PARD3B: variants seen among roughly 807,000 people sequenced by gnomAD.
PARD3B encodes the protein par-3 family cell polarity regulator beta.
PARD3B carries 103 observed loss-of-function variants against 130.2 expected under a neutral mutation model. The observed-to-expected ratio is 0.79, with a 90% confidence interval of 0.67 to 0.93. The LOEUF (loss-of-function observed/expected upper bound fraction) is 0.93. PARD3B is among the 40% of genes least tolerant of loss of function. PARD3B has a pLI of 0.00. For missense variants in PARD3B, 1,609 were observed against 1,499.2 expected (o/e 1.07, Z -1.21); for synonymous variants, 583 against 553.2 (o/e 1.05, Z -0.76).
intron 2 of PARD3B, among the ~76,000 whole-genome samples, chr2:204,961,658 A>T (rs1042688759): frequency 6.6e-6 from 1 of 152,114 alleles, no homozygotes; most frequent in Admixed American, 6.6e-5. Flanking sequence ...ATTTTTAGAG[A>T]CTAAATGTGG....
intron 2 of PARD3B, among the ~76,000 whole-genome samples, chr2:204,703,479 A>C (rs1022490989): frequency 6.6e-6 from 1 of 152,236 alleles, no homozygotes; most frequent in African/African-American, 2.4e-5. Flanking sequence ...GTAAAAATAC[A>C]GAAAAGATTG....
intron 18 of PARD3B, among the ~76,000 whole-genome samples, chr2:205,306,468 C>A (rs2042188239): frequency 6.6e-6 from 1 of 151,982 alleles, no homozygotes; most frequent in Non-Finnish European, 1.5e-5. Flanking sequence ...TTCACATATC[C>A]CATTTTCTAG....
chr2:205,546,204 G>C lies in PARD3B; in HGVS notation c.3181-7120G>C, dbSNP rs149684992. Among the ~76,000 whole-genome samples, 732 of 152,256 alleles carry C rather than the reference G, an allele frequency of 4.8e-3. 4 individuals carry two copies. Among genetic ancestry groups the C allele is most frequent in the Non-Finnish European group, 7.4e-3 (504 of 68,030 alleles). The stretch of plus-strand genomic sequence containing the variant: ...CAAAGAGGGTCACCACGTGCAAGGC[G>C]CACCAAGGTATGAGCGCTTTAAATT... On this transcript the variant is annotated intron_variant, in intron 21 of 22. Coordinates refer to ENST00000406610, the MANE Select transcript of PARD3B (RefSeq NM_001302769.2).
chr2:205,211,443 A>G (rs1243684178), intron 15 of PARD3B, among the ~76,000 whole-genome samples: 2 of 152,114 alleles, frequency 1.3e-5, no homozygotes, highest in South Asian at 2.1e-4. Flanking sequence ...ATCAGTGACA[A>G]CAGACAGTAT....
At chr2:204,817,854 A>C (rs1343844460) in intron 2 of PARD3B, among the ~76,000 whole-genome samples, 1 of 152,140 alleles carries the variant, frequency 6.6e-6, no homozygotes, top group African/African-American at 2.4e-5. Context: ...CTCAAGGATC[A>C]TTATCCTTTT....
At chr2:204,811,713 G>T (rs1003425270) in intron 2 of PARD3B, among the ~76,000 whole-genome samples, 10 of 152,054 alleles carry the variant, frequency 6.6e-5, no homozygotes, top group Non-Finnish European at 2.9e-5. Flanking sequence ...AAAATATGCA[G>T]TTGTTAACTC....
chr2:204,824,245 T>C (rs1287749761), intron 2 of PARD3B, among the ~76,000 whole-genome samples: 1 of 152,196 alleles, frequency 6.6e-6, no homozygotes, highest in Non-Finnish European at 1.5e-5. Context: ...CAATGGAGAA[T>C]CCTACAAGTA....
chr2:205,091,084 A>G lies in PARD3B; in HGVS notation c.505-13342A>G, dbSNP rs1702076644. Among the ~76,000 whole-genome samples, 1 of 152,234 alleles carries G rather than the reference A, an allele frequency of 6.6e-6. No individual in the cohort carries two copies. The highest frequency in any genetic ancestry group is 2.4e-5 in the African/African-American group (1 of 41,464). On this transcript the variant is annotated intron_variant, in intron 4 of 22. Transcript: ENST00000406610. The surrounding 1 kb of genome is among the most constrained non-coding windows in gnomAD (Gnocchi z 4.2). ...AATATGTAAATTAAGCAATCTGATT[A>G]TAGTACACCTTGGCTGCTTCTAGTT...
At chr2:204,813,491 A>C (rs1181827749) in intron 2 of PARD3B, among the ~76,000 whole-genome samples, 1 of 152,048 alleles carries the variant, frequency 6.6e-6, no homozygotes, top group African/African-American at 2.4e-5. Context: ...TTATTTTCTT[A>C]AAAATGTTAC....
At chr2:205,372,315 CAT>C (rs1441564103) in intron 18 of PARD3B, among the ~76,000 whole-genome samples, 3 of 152,168 alleles carry the variant, frequency 2.0e-5, no homozygotes, top group African/African-American at 7.2e-5. Flanking sequence ...TCCTCACAAA[CAT>C]GTGTTCTTAT....
intron 16 of PARD3B, among the ~76,000 whole-genome samples, chr2:205,277,711 T>G (rs1026625499): frequency 2.0e-5 from 3 of 151,856 alleles, no homozygotes; most frequent in Admixed American, 6.6e-5. Context: ...GTTTGGACTG[T>G]GGGGGGAAGA....
At chr2:205,426,380 A>C (rs1462764936) in intron 19 of PARD3B, among the ~76,000 whole-genome samples, 9 of 152,178 alleles carry the variant, frequency 5.9e-5, no homozygotes, top group Non-Finnish European at 1.3e-4. Context: ...CTCTGGAACA[A>C]AGGATAATTA....
intron 20 of PARD3B, among the ~76,000 whole-genome samples, chr2:205,456,718 T>A (rs1204204334): frequency 6.6e-6 from 1 of 151,616 alleles, no homozygotes; most frequent in Non-Finnish European, 1.5e-5. Flanking sequence ...TGAACCTGCC[T>A]TGCATTTCTA....
intron 3 of PARD3B, among the ~76,000 whole-genome samples, chr2:205,042,984 T>C (rs892229468): frequency 7.2e-5 from 11 of 152,172 alleles, no homozygotes; most frequent in African/African-American, 2.7e-4. Flanking sequence ...TAAACTATGA[T>C]TCTAAGGAAC....
At chr2:205,062,824 A>G (rs1370910818) in intron 4 of PARD3B, among the ~76,000 whole-genome samples, 2 of 152,164 alleles carry the variant, frequency 1.3e-5, no homozygotes, top group East Asian at 3.8e-4. Context: ...TTCAGCATGA[A>G]ATTTATTTAT....
chr2:205,203,867 A>T (rs1158673074), intron 15 of PARD3B, among the ~76,000 whole-genome samples: 1 of 151,984 alleles, frequency 6.6e-6, no homozygotes, highest in Non-Finnish European at 1.5e-5. Context: ...GGGCATTTGG[A>T]TTGGTTCCAA....
intron 21 of PARD3B, among the ~76,000 whole-genome samples, chr2:205,518,111 T>G (rs562083814): frequency 6.6e-6 from 1 of 152,224 alleles, no homozygotes; most frequent in South Asian, 2.1e-4. Context: ...TTTGGTCCAG[T>G]GTTGAGTTCA....
At chr2:205,453,666 GTT>G (rs1317301392) in intron 20 of PARD3B, among the ~76,000 whole-genome samples, 1 of 152,096 alleles carries the variant, frequency 6.6e-6, no homozygotes, top group Non-Finnish European at 1.5e-5. Flanking sequence ...CCATGCTAAG[GTT>G]TTTCAAACTT....
At chr2:205,475,579 A>G (rs2048996739) in intron 20 of PARD3B, among the ~76,000 whole-genome samples, 1 of 152,204 alleles carries the variant, frequency 6.6e-6, no homozygotes. Context: ...TCATTTGCCA[A>G]GCACTTAAGG....
Sources: allele counts gnomAD v4.1 joint callset (sites outside exome capture counted in the v4.1 genomes callset), GRCh38; gene constraint gnomAD v4.1.1; non-coding constraint Gnocchi (gnomAD v3.1); transcripts MANE v1.5; gene names NCBI Gene and HGNC (gene_info 2026-07-23, HGNC 2026-07-21).